The following ERC2 variants were observed in gnomAD, a reference collection of about 807,000 sequenced individuals.
ERC2 encodes the protein ELKS/RAB6-interacting/CAST family member 2.
In ERC2, 42 loss-of-function variants were observed where a neutral mutation model predicts 114.8. The observed-to-expected ratio is 0.37, with a 90% confidence interval of 0.29 to 0.47. The LOEUF (loss-of-function observed/expected upper bound fraction) is 0.47. ERC2 is among the 20% of genes least tolerant of loss of function. The pLI is 0.99. For missense variants in ERC2, 939 were observed against 1,150.7 expected (o/e 0.82, Z 2.66); for synonymous variants, 454 against 425.5 (o/e 1.07, Z -0.82).
At chr3:56,097,976 C>T (rs1280435583) in intron 6 of ERC2, among the ~76,000 whole-genome samples, 2 of 152,148 alleles carry the variant, frequency 1.3e-5, no homozygotes, top group Admixed American at 6.5e-5. Context: ...AATCATGCCC[C>T]TAGCTTTAAC....
intron 3 of ERC2, among the ~76,000 whole-genome samples, chr3:56,207,537 A>G (rs2048814245): frequency 6.6e-6 from 1 of 152,186 alleles, no homozygotes; most frequent in African/African-American, 2.4e-5. Context: ...CCTCAAAAAC[A>G]TAAGTAATGG....
intron 14 of ERC2, among the ~76,000 whole-genome samples, chr3:55,851,944 C>T (rs537923526): frequency 5.9e-5 from 9 of 152,284 alleles, no homozygotes; most frequent in East Asian, 3.9e-4. Context: ...TAAAACAGGC[C>T]GGGTACAGCG....
intron 7 of ERC2, among the ~76,000 whole-genome samples, chr3:56,074,841 G>A (rs1427662493): frequency 6.6e-6 from 1 of 152,254 alleles, no homozygotes; most frequent in East Asian, 1.9e-4. Flanking sequence ...ACTCTCCTCA[G>A]AGCTAACAAT....
chr3:56,065,266 C>T (rs1476453906), intron 7 of ERC2, among the ~76,000 whole-genome samples: 1 of 151,982 alleles, frequency 6.6e-6, no homozygotes, highest in Non-Finnish European at 1.5e-5. Context: ...CTCTGTTGCC[C>T]AGGCTTCAGC....
intron 11 of ERC2, among the ~76,000 whole-genome samples, chr3:55,991,067 C>A (rs962290272): frequency 2.6e-5 from 4 of 152,198 alleles, no homozygotes; most frequent in Non-Finnish European, 4.4e-5. Flanking sequence ...TGCACTCCAG[C>A]CTGCACAGCT....
chr3:56,122,275 A>G (rs2079620615), intron 6 of ERC2, among the ~76,000 whole-genome samples: 1 of 152,192 alleles, frequency 6.6e-6, no homozygotes, highest in African/African-American at 2.4e-5. Context: ...TGATTTCATT[A>G]TGTTGGGAAG....
chr3:55,858,887 C>T (rs2061902953), intron 14 of ERC2, among the ~76,000 whole-genome samples: 1 of 152,160 alleles, frequency 6.6e-6, no homozygotes, highest in African/African-American at 2.4e-5. Flanking sequence ...AGGTTGCACC[C>T]TGCCAGCCTT....
At chr3:55,653,056 G>A (rs1243649764) in intron 17 of ERC2, among the ~76,000 whole-genome samples, 1 of 151,880 alleles carries the variant, frequency 6.6e-6, no homozygotes, top group East Asian at 1.9e-4. Context: ...CTACCAAGTT[G>A]GGCTGCCAGT....
chr3:56,392,641 T>A (rs910431217), intron 2 of ERC2, among the ~76,000 whole-genome samples: 4 of 152,154 alleles, frequency 2.6e-5, no homozygotes, highest in African/African-American at 9.7e-5. Context: ...TGGGGAAAAG[T>A]CAACTAGCTC....
chr3:56,179,620 G>A (rs4974173), intron 3 of ERC2, among the ~76,000 whole-genome samples: 14,234 of 151,830 alleles, frequency 0.094, 928 homozygotes, highest in African/African-American at 0.16. Context: ...AACATGAGGT[G>A]GACTTGGCTT....
intron 3 of ERC2, among the ~76,000 whole-genome samples, chr3:56,187,624 G>A (rs903359510): frequency 2.0e-5 from 3 of 152,236 alleles, no homozygotes; most frequent in South Asian, 2.1e-4. Flanking sequence ...GAATTAAGAC[G>A]GAATGGCTGC....
chr3:55,572,070 C>T (rs905253277), intron 17 of ERC2, among the ~76,000 whole-genome samples: 9 of 152,322 alleles, frequency 5.9e-5, no homozygotes, highest in Non-Finnish European at 8.8e-5. Flanking sequence ...GCAAGACTGA[C>T]GGCGTTCCTG....
chr3:56,458,956 C>A (rs58882991), intron 1 of ERC2, among the ~76,000 whole-genome samples: 4,028 of 152,294 alleles, frequency 0.026, 183 homozygotes, highest in African/African-American at 0.092. Context: ...CATGGCTAAT[C>A]TGCCTCAAGC....
intron 8 of ERC2, among the ~76,000 whole-genome samples, chr3:56,015,904 C>G (rs1317035465): frequency 2.6e-5 from 4 of 152,214 alleles, no homozygotes; most frequent in African/African-American, 7.2e-5. Flanking sequence ...GCCATTCTGA[C>G]TGGCATGAGA....
intron 2 of ERC2, among the ~76,000 whole-genome samples, chr3:56,312,303 A>T (rs1004413131): frequency 5.3e-5 from 8 of 152,240 alleles, no homozygotes; most frequent in Admixed American, 2.6e-4. Flanking sequence ...TATCCGATCG[A>T]TGCCAGAAGC....
At chr3:55,699,555 A>C in intron 15 of ERC2, 43 bp from the exon 16 acceptor site, 1 of 1,566,650 alleles carries the variant, frequency 6.4e-7, no homozygotes, top group Non-Finnish European at 8.7e-7. Flanking sequence ...CAGGAGCCAG[A>C]AGATCAGTCA....
In ERC2 at chr3:55,779,327, CAAA is replaced by C. The variant is rs60185894; in HGVS notation, c.2565-44412_2565-44410del. Among the ~76,000 whole-genome samples the C allele has an allele frequency of 5.4e-3, 339 of 62,450 alleles. 1 individual carries two copies. The highest frequency in any genetic ancestry group is 0.014 in the African/African-American group (297 of 20,754). 41.0% of individuals were successfully genotyped at this position (62,450 alleles called of 152,430 possible). On this transcript the variant is annotated intron_variant, in intron 14 of 17. Coordinates refer to ENST00000288221, the MANE Select transcript of ERC2 (RefSeq NM_015576.3). ...TGAAACCCCATCTCTACTAAAAATA[CAAA>C]AAAAAAAAAAAAAAAAAAAAAATTA...
At chr3:56,229,775 A>T (rs1306891316) in intron 3 of ERC2, among the ~76,000 whole-genome samples, 1 of 151,974 alleles carries the variant, frequency 6.6e-6, no homozygotes, top group African/African-American at 2.4e-5. Context: ...AAACATTCTA[A>T]CTAGTACATG....
intron 14 of ERC2, among the ~76,000 whole-genome samples, chr3:55,883,409 G>A (rs2063201896): frequency 6.6e-6 from 1 of 152,140 alleles, no homozygotes; most frequent in African/African-American, 2.4e-5. Context: ...AAATTAAACA[G>A]CCTAAGAGTG....
Sources: gnomAD v4.1 joint callset for allele counts (sites outside exome capture counted in the v4.1 genomes callset) on GRCh38, gnomAD v4.1.1 for gene constraint, MANE v1.5 for transcripts, NCBI Gene and HGNC (gene_info 2026-07-23, HGNC 2026-07-21) for gene names.